The following TMEM132D variants were observed in gnomAD, a reference collection of about 807,000 sequenced individuals.
The protein encoded by TMEM132D is transmembrane protein 132D.
Under a neutral mutation model 62.3 loss-of-function variants are expected in TMEM132D, and 21 were observed. The ratio of observed to expected loss-of-function variants is 0.34; its 90% CI spans 0.24 to 0.49. The LOEUF is 0.49. Among genes scored for constraint, TMEM132D ranks in the 20% least tolerant of loss-of-function variants. TMEM132D has a pLI of 0.99. For synonymous variants in TMEM132D, 621 were observed against 575.6 expected, an observed-to-expected ratio of 1.08 and a Z score of -1.13; for missense variants, 1,346 against 1,402.8, an observed-to-expected ratio of 0.96 and a Z score of 0.65.
At chr12:129,413,779 C>T (rs150093290) in intron 3 of TMEM132D, among the ~76,000 whole-genome samples, 4 of 152,140 alleles carry the variant, frequency 2.6e-5, no homozygotes, top group African/African-American at 9.7e-5. Flanking sequence ...GACAATCAAA[C>T]CATATGGTAA....
intron 4 of TMEM132D, among the ~76,000 whole-genome samples, chr12:129,284,922 T>G (rs192237627): frequency 4.0e-5 from 6 of 151,422 alleles, no homozygotes; most frequent in Admixed American, 3.3e-4. Flanking sequence ...GGGGAAGGAG[T>G]GGGGAAAGAC....
chr12:129,580,730 A>AAAATAAAT (rs10623142), intron 2 of TMEM132D, among the ~76,000 whole-genome samples: 3,065 of 124,398 alleles, frequency 0.025, 61 homozygotes, highest in African/African-American at 0.049. Flanking sequence ...TAAGTAAATA[A>AAAATAAAT]AAATAAATAA....
intron 2 of TMEM132D, among the ~76,000 whole-genome samples, chr12:129,545,471 A>T (rs1876707134): frequency 6.6e-6 from 1 of 152,134 alleles, no homozygotes; most frequent in Non-Finnish European, 1.5e-5. Context: ...TGGTAAGAAC[A>T]GTTAACATGA....
chr12:129,583,704 A>T (rs1877941835), intron 2 of TMEM132D, among the ~76,000 whole-genome samples: 1 of 152,196 alleles, frequency 6.6e-6, no homozygotes, highest in Non-Finnish European at 1.5e-5. Context: ...CTTGCCTTAG[A>T]CAGAGGAATG....
intron 2 of TMEM132D, among the ~76,000 whole-genome samples, chr12:129,670,792 T>C (rs1461059052): frequency 6.6e-6 from 1 of 152,092 alleles, no homozygotes; most frequent in African/African-American, 2.4e-5. Flanking sequence ...TATAAAGAAA[T>C]AAAACATTTC....
At chr12:129,657,399 G>T (rs113384516) in intron 2 of TMEM132D, among the ~76,000 whole-genome samples, 1 of 152,074 alleles carries the variant, frequency 6.6e-6, no homozygotes, top group Admixed American at 6.5e-5. Context: ...GGATAGGATG[G>T]GGCTGATCTC....
At chr12:129,415,871 C>A (rs939220976) in intron 3 of TMEM132D, among the ~76,000 whole-genome samples, 3 of 152,202 alleles carry the variant, frequency 2.0e-5, no homozygotes, top group African/African-American at 4.8e-5. Context: ...GAGCCTGGTT[C>A]TCCTTTGGGG....
chr12:129,656,767 A>G (rs956142311), intron 2 of TMEM132D, among the ~76,000 whole-genome samples: 1 of 152,162 alleles, frequency 6.6e-6, no homozygotes, highest in Non-Finnish European at 1.5e-5. Context: ...TTGCAAATGA[A>G]CCCATTTAAT....
chr12:129,229,003 G>A lies in TMEM132D; in HGVS notation c.1300-19340C>T, dbSNP rs189067032. 3.9e-5 allele frequency among the ~76,000 whole-genome samples: 6 copies of A among 152,288 alleles called. No individual in the cohort carries two copies. The East Asian group carries it at 1.2e-3, about 29-fold the overall frequency. On this transcript the variant is annotated intron_variant, in intron 4 of 8. Coordinates refer to ENST00000422113, the MANE Select transcript of TMEM132D (RefSeq NM_133448.3). ...CTTGTGGCCTCTCTCCTCTTCTCCA[G>A]AGCTGACGTCTCCATTGAATTGGGA...
intron 3 of TMEM132D, among the ~76,000 whole-genome samples, chr12:129,353,131 C>T (rs1869924901): frequency 6.8e-6 from 1 of 146,214 alleles, no homozygotes; most frequent in South Asian, 2.4e-4. Flanking sequence ...CCCTTCCTTC[C>T]TTCTCTCTTC....
At chr12:129,323,538 G>A (rs1054009432) in intron 4 of TMEM132D, among the ~76,000 whole-genome samples, 10 of 152,190 alleles carry the variant, frequency 6.6e-5, no homozygotes, top group African/African-American at 9.7e-5. Context: ...GTGATTAGAG[G>A]TAGCCTGGCC....
chr12:129,086,013 T>C (rs1034399186), intron 5 of TMEM132D: 1 of 152,234 alleles, frequency 6.6e-6, no homozygotes, highest in African/African-American at 2.4e-5. Flanking sequence ...ACCTTACTTG[T>C]CAAAAGGTAT....
chr12:129,780,761 T>C (rs1019994397), intron 1 of TMEM132D, among the ~76,000 whole-genome samples: 10 of 152,166 alleles, frequency 6.6e-5, no homozygotes, highest in Admixed American at 3.3e-4. Flanking sequence ...GGGCCATTCA[T>C]CCGGTACCTT....
At chr12:129,284,234 G>C (rs2135612740) in intron 4 of TMEM132D, among the ~76,000 whole-genome samples, 1 of 152,228 alleles carries the variant, frequency 6.6e-6, no homozygotes, top group East Asian at 1.9e-4. Context: ...CCAGCAGCTG[G>C]ACATCCACAT....
chr12:129,233,868 TA>T (rs35852149), intron 4 of TMEM132D, among the ~76,000 whole-genome samples: 3 of 151,508 alleles, frequency 2.0e-5, no homozygotes, highest in Non-Finnish European at 2.9e-5. Context: ...ATGGATTCAG[TA>T]AAAAAAAGTA....
intron 3 of TMEM132D, among the ~76,000 whole-genome samples, chr12:129,494,568 GC>G (rs1874892092): frequency 6.6e-6 from 1 of 152,088 alleles, no homozygotes; most frequent in South Asian, 2.1e-4. Context: ...GTGTAAATCG[GC>G]TTATATATAA....
chr12:129,383,847 G>C (rs2030437), intron 3 of TMEM132D, among the ~76,000 whole-genome samples: 34,604 of 152,134 alleles, frequency 0.23, 4,154 homozygotes, highest in Non-Finnish European at 0.27. Flanking sequence ...ACAGAAGACC[G>C]GGTCCCAAAT....
chr12:129,240,312 A>G (rs1167577656), intron 4 of TMEM132D, among the ~76,000 whole-genome samples: 6 of 152,172 alleles, frequency 3.9e-5, no homozygotes, highest in Admixed American at 3.9e-4. Context: ...TGCTAATATA[A>G]GTTTGTTCAA....
At chr12:129,252,261 G>T (rs1014218697) in intron 4 of TMEM132D, among the ~76,000 whole-genome samples, 4 of 152,154 alleles carry the variant, frequency 2.6e-5, no homozygotes, top group African/African-American at 9.7e-5. Context: ...AAAGAAGGAG[G>T]AATAATATAG....
Sources: gnomAD v4.1 joint callset for allele counts (sites outside exome capture counted in the v4.1 genomes callset) on GRCh38, gnomAD v4.1.1 for gene constraint, MANE v1.5 for transcripts, NCBI Gene and HGNC (gene_info 2026-07-23, HGNC 2026-07-21) for gene names.